Variants in DPP10 observed in about 807,000 individuals in gnomAD.
DPP10 encodes dipeptidyl peptidase like 10, also known as inactive dipeptidyl peptidase 10.
DPP10 carries 33 observed loss-of-function variants against 120.9 expected under a neutral mutation model. The ratio of observed to expected loss-of-function variants is 0.27; its 90% CI spans 0.21 to 0.37. The LOEUF (loss-of-function observed/expected upper bound fraction) is 0.37. Ranked by LOEUF, DPP10 falls within the 10% of genes least tolerant of loss-of-function variation. DPP10 has a pLI of 1.00. For missense variants in DPP10, 816 were observed against 942.8 expected, an observed-to-expected ratio of 0.87 and a Z score of 1.76; for synonymous variants, 337 against 326.1, an observed-to-expected ratio of 1.03 and a Z score of -0.36.
chr2:115,430,170 G>A (rs2070841178), intron 3 of DPP10, among the ~76,000 whole-genome samples: 1 of 152,116 alleles, frequency 6.6e-6, no homozygotes, highest in Non-Finnish European at 1.5e-5. Context: ...ATGAGCAGAT[G>A]ATTGATGAAA....
chr2:115,220,860 C>T (rs1435473153), intron 1 of DPP10, among the ~76,000 whole-genome samples: 1 of 151,230 alleles, frequency 6.6e-6, no homozygotes, highest in Non-Finnish European at 1.5e-5. Flanking sequence ...TTATCATATA[C>T]CTTTTGCTCT....
At chr2:115,337,865 A>C (rs2063237809) in intron 2 of DPP10, among the ~76,000 whole-genome samples, 1 of 151,946 alleles carries the variant, frequency 6.6e-6, no homozygotes, top group East Asian at 1.9e-4. Context: ...GAAAAAAACA[A>C]AGAAATGAAT....
At chr2:115,676,924 A>G (rs1445057344) in intron 5 of DPP10, among the ~76,000 whole-genome samples, 2 of 152,176 alleles carry the variant, frequency 1.3e-5, no homozygotes, top group Non-Finnish European at 2.9e-5. Flanking sequence ...ACTTCTAAAA[A>G]CAGCAAGAGG....
intron 1 of DPP10, among the ~76,000 whole-genome samples, chr2:114,791,888 C>T (rs1683278596): frequency 6.6e-6 from 1 of 152,176 alleles, no homozygotes; most frequent in Admixed American, 6.5e-5. Context: ...TGATAAAATG[C>T]TATATATCTG....
chr2:114,747,023 T>C (rs1038717139), intron 1 of DPP10, among the ~76,000 whole-genome samples: 1 of 152,192 alleles, frequency 6.6e-6, no homozygotes, highest in African/African-American at 2.4e-5. Context: ...TAGAATACTC[T>C]CTAAATATCA....
intron 4 of DPP10, among the ~76,000 whole-genome samples, chr2:115,518,016 A>G (rs2077593075): frequency 6.6e-6 from 1 of 152,206 alleles, no homozygotes; most frequent in African/African-American, 2.4e-5. Context: ...ATGTGCAGAG[A>G]TAACATGGTG....
rs541273602 is a variant in DPP10 at position 115,188,061 on chromosome 2, A to G, written c.61-121178A>G. ...AGAGAGAGAGGGAGAGAGAGAGGCAAAGAGAGAGAGAGAGAGAGAGAGAGC... is the reference window on the plus strand; with the variant it reads ...AGAGAGAGAGGGAGAGAGAGAGGCAGAGAGAGAGAGAGAGAGAGAGAGAGC... On this transcript the variant is annotated intron_variant, in intron 1 of 25. Coordinates refer to ENST00000410059, the MANE Select transcript of DPP10 (RefSeq NM_020868.6). Among the ~76,000 whole-genome samples the G allele has an allele frequency of 2.2e-4, 32 of 147,084 alleles. No individual in the cohort carries two copies. In the South Asian group the frequency reaches 4.8e-3, roughly 22 times the overall value.
chr2:115,311,562 A>G (rs1006842130), intron 2 of DPP10, among the ~76,000 whole-genome samples: 3 of 152,152 alleles, frequency 2.0e-5, no homozygotes, highest in African/African-American at 7.2e-5. Flanking sequence ...CATTCATCCC[A>G]TAGGTAATTG....
intron 3 of DPP10, among the ~76,000 whole-genome samples, chr2:115,381,644 T>C (rs2066366875): frequency 6.6e-6 from 1 of 152,230 alleles, no homozygotes; most frequent in Non-Finnish European, 1.5e-5. Context: ...TTTTAGAGTT[T>C]CCAGTTTTTC....
At chr2:115,412,543 A>G (rs149807548) in intron 3 of DPP10, among the ~76,000 whole-genome samples, 12 of 152,318 alleles carry the variant, frequency 7.9e-5, no homozygotes, top group African/African-American at 1.4e-4. Flanking sequence ...TTTCATTTTC[A>G]TTAGAATTCT....
chr2:115,383,151 A>G (rs886258991), intron 3 of DPP10, among the ~76,000 whole-genome samples: 11 of 152,210 alleles, frequency 7.2e-5, no homozygotes, highest in Non-Finnish European at 4.4e-5. Context: ...ATATTGAGTG[A>G]TGATGTGGTT....
intron 1 of DPP10, among the ~76,000 whole-genome samples, chr2:115,033,568 C>T (rs1400401335): frequency 6.6e-6 from 1 of 152,130 alleles, no homozygotes; most frequent in Non-Finnish European, 1.5e-5. Flanking sequence ...TTTTATCTCA[C>T]CCACCATGAA....
At chr2:115,360,028 C>T (rs534827104) in intron 3 of DPP10, among the ~76,000 whole-genome samples, 5 of 152,192 alleles carry the variant, frequency 3.3e-5, no homozygotes, top group East Asian at 1.9e-4. Context: ...ACTGCTGTCT[C>T]GGATTGGGTT....
chr2:115,015,214 C>T (rs181218112), intron 1 of DPP10, among the ~76,000 whole-genome samples: 10 of 152,242 alleles, frequency 6.6e-5, no homozygotes, highest in African/African-American at 9.6e-5. Flanking sequence ...AATCAGTAAA[C>T]GTAACCCATT....
At chr2:114,964,734 C>T (rs945033793) in intron 1 of DPP10, among the ~76,000 whole-genome samples, 2 of 152,038 alleles carry the variant, frequency 1.3e-5, no homozygotes, top group African/African-American at 2.4e-5. Flanking sequence ...CACATGGAAC[C>T]TTTAGGGTCA....
chr2:115,369,071 A>G (rs1007470421), intron 3 of DPP10, among the ~76,000 whole-genome samples: 1 of 152,020 alleles, frequency 6.6e-6, no homozygotes, highest in Non-Finnish European at 1.5e-5. Context: ...TTTCATTGAA[A>G]TGATTTCCTG....
At chr2:115,503,621 A>T (rs1390352396) in intron 4 of DPP10, among the ~76,000 whole-genome samples, 1 of 152,144 alleles carries the variant, frequency 6.6e-6, no homozygotes, top group Non-Finnish European at 1.5e-5. Flanking sequence ...TATTTGTAAG[A>T]TTTGGTCTAC....
At chr2:114,443,675 T>G (rs1677784318) in intron 1 of DPP10, among the ~76,000 whole-genome samples, 1 of 149,274 alleles carries the variant, frequency 6.7e-6, no homozygotes, top group South Asian at 2.1e-4. Flanking sequence ...GGGAAAGTGA[T>G]GGATTCGTCT....
At chr2:115,711,825 C>T (rs1178967345) in intron 7 of DPP10, among the ~76,000 whole-genome samples, 1 of 151,278 alleles carries the variant, frequency 6.6e-6, no homozygotes, top group Non-Finnish European at 1.5e-5. Context: ...ATATAGTGAT[C>T]CATATATTAG....
Sources: allele counts gnomAD v4.1 joint callset (sites outside exome capture counted in the v4.1 genomes callset), GRCh38; gene constraint gnomAD v4.1.1; transcripts MANE v1.5; gene names NCBI Gene and HGNC (gene_info 2026-07-23, HGNC 2026-07-21).